The following PDE10A variants were observed in gnomAD, a reference collection of about 807,000 sequenced individuals.
PDE10A encodes the protein cAMP and cAMP-inhibited cGMP 3',5'-cyclic phosphodiesterase 10A.
In PDE10A, 39 loss-of-function variants were observed where a neutral mutation model predicts 97.7. The observed-to-expected ratio is 0.40, with a 90% CI of 0.31 to 0.52. The LOEUF is 0.52. Among genes scored for constraint, PDE10A ranks in the 20% least tolerant of loss-of-function variants. The pLI is 0.56. For missense variants in PDE10A, 731 were observed against 1,047.8 expected, an observed-to-expected ratio of 0.70 and a Z score of 4.17; for synonymous variants, 371 against 376.8, an observed-to-expected ratio of 0.98 and a Z score of 0.18.
intron 1 of PDE10A, among the ~76,000 whole-genome samples, chr6:165,771,190 C>T (rs1777998893): frequency 6.6e-6 from 1 of 152,182 alleles, no homozygotes; most frequent in Non-Finnish European, 1.5e-5. Context: ...ATGCAGAGAG[C>T]CTACCGTGGG....
At chr6:165,974,023 T>C (rs1304975197) in intron 1 of PDE10A, among the ~76,000 whole-genome samples, 1 of 152,246 alleles carries the variant, frequency 6.6e-6, no homozygotes, top group African/African-American at 2.4e-5. Context: ...CATTAAATTA[T>C]TAAATTCACG....
Position 165,505,829 on chromosome 6 carries a change from T to C in PDE10A, c.995-23486A>G, listed in dbSNP as rs1375622684. Among the ~76,000 whole-genome samples, 5 of 152,126 alleles carry C rather than the reference T, an allele frequency of 3.3e-5. 1 individual carries two copies. Among genetic ancestry groups the C allele is most frequent in the South Asian group, 4.1e-4 (2 of 4,826 alleles). On this transcript the variant is annotated intron_variant, in intron 2 of 21. Transcript: ENST00000539869. The stretch of plus-strand genomic sequence containing the variant: ...GATTTCACCATGATCAGGCTACAGA[T>C]TGGTTGCATTCAAAAGCTGGTCAGT...
chr6:165,952,246 G>T (rs1238272421), intron 1 of PDE10A, among the ~76,000 whole-genome samples: 1 of 152,196 alleles, frequency 6.6e-6, no homozygotes, highest in Non-Finnish European at 1.5e-5. Flanking sequence ...CCAGGGATTT[G>T]ATTCCTTCAC....
At chr6:165,526,405 C>A (rs922105497) in intron 2 of PDE10A, among the ~76,000 whole-genome samples, 1 of 152,174 alleles carries the variant, frequency 6.6e-6, no homozygotes, top group African/African-American at 2.4e-5. Flanking sequence ...TGGCAGAACC[C>A]CCACATTGGC....
chr6:165,598,286 TAGAG>T (rs67830948), intron 1 of PDE10A, among the ~76,000 whole-genome samples: 29,234 of 151,910 alleles, frequency 0.19, 3,342 homozygotes, highest in African/African-American at 0.32. Flanking sequence ...TAACAGATCT[TAGAG>T]AGAGAGAGCA....
At chr6:165,745,973 A>G (rs1231857155) in intron 1 of PDE10A, among the ~76,000 whole-genome samples, 1 of 152,210 alleles carries the variant, frequency 6.6e-6, no homozygotes, top group Non-Finnish European at 1.5e-5. Flanking sequence ...TGGCAGCTAC[A>G]AGGACGTTTG....
chr6:165,620,957 G>T lies in PDE10A; in HGVS notation c.865+40990C>A, dbSNP rs867655276. On this transcript the variant is annotated intron_variant, in intron 1 of 21. Coordinates refer to ENST00000539869, the MANE Select transcript of PDE10A (RefSeq NM_001385079.1). ...AATCGATTGAACCTGGGAGGCAGAG[G>T]TTGCGGTGAGCCGAGATCCTGCCAC... 2.0e-5 allele frequency among the ~76,000 whole-genome samples: 3 copies of T among 151,030 alleles called. 1 individual carries two copies. The highest frequency in any genetic ancestry group is 6.8e-3 in the Middle Eastern group (2 of 294).
chr6:165,481,866 T>A (rs1249898415), intron 3 of PDE10A, among the ~76,000 whole-genome samples: 1 of 152,150 alleles, frequency 6.6e-6, no homozygotes, highest in African/African-American at 2.4e-5. Context: ...AAGGCAGAGG[T>A]TGGGCAGGTA....
intron 1 of PDE10A, among the ~76,000 whole-genome samples, chr6:165,577,767 C>T (rs1396631360): frequency 6.6e-6 from 1 of 152,206 alleles, no homozygotes; most frequent in Non-Finnish European, 1.5e-5. Flanking sequence ...TGGGCACAGG[C>T]ACTTCTGATG....
intron 1 of PDE10A, among the ~76,000 whole-genome samples, chr6:165,681,967 A>C (rs1046162162): frequency 1.6e-4 from 24 of 152,218 alleles, no homozygotes; most frequent in Non-Finnish European, 3.4e-4. Context: ...GCCTCACAGA[A>C]CAGTGGGTGA....
intron 2 of PDE10A, among the ~76,000 whole-genome samples, chr6:165,500,722 T>A (rs1780819461): frequency 1.3e-5 from 2 of 150,460 alleles, no homozygotes; most frequent in Admixed American, 1.3e-4. Context: ...TCTTTGCAGT[T>A]GAGATAAGAG....
intron 1 of PDE10A, among the ~76,000 whole-genome samples, chr6:165,796,096 T>TC (rs1778822227): frequency 1.8e-5 from 2 of 110,498 alleles, no homozygotes; most frequent in African/African-American, 6.7e-5. Context: ...CTTTTCTTTT[T>TC]TTTTTTTTTT....
intron 1 of PDE10A, among the ~76,000 whole-genome samples, chr6:165,690,233 G>A (rs756339368): frequency 3.3e-5 from 5 of 152,098 alleles, no homozygotes; most frequent in Admixed American, 6.5e-5. Context: ...TCAACTCTGC[G>A]GGGACTGTTA....
chr6:165,965,233 G>A (rs1380014107), intron 1 of PDE10A, among the ~76,000 whole-genome samples: 1 of 152,190 alleles, frequency 6.6e-6, no homozygotes, highest in Non-Finnish European at 1.5e-5. Context: ...CGAGGAGAGG[G>A]ATGGCGAGGA....
At chr6:165,659,642 T>G (rs539265928) in intron 1 of PDE10A, among the ~76,000 whole-genome samples, 3 of 152,270 alleles carry the variant, frequency 2.0e-5, no homozygotes, top group African/African-American at 2.4e-5. Flanking sequence ...CTTTTGCTCC[T>G]GTTCAAGGCC....
intron 1 of PDE10A, among the ~76,000 whole-genome samples, chr6:165,630,417 A>G (rs1788576896): frequency 6.6e-6 from 1 of 152,220 alleles, no homozygotes; most frequent in African/African-American, 2.4e-5. Context: ...TGAAAGCTTC[A>G]TAACTTCAAT....
intron 5 of PDE10A, among the ~76,000 whole-genome samples, chr6:165,436,707 T>G (rs2128240877): frequency 6.6e-6 from 1 of 152,196 alleles, no homozygotes; most frequent in South Asian, 2.1e-4. Flanking sequence ...GATTAAAAAA[T>G]TACATATATG....
In PDE10A at chr6:165,435,360, CG is replaced by C; in HGVS notation, c.1211del (p.Thr404SerfsTer5). ...GECNNSLCIF[T>X]PPGIKEGKPR... ...GTTTTCCTTCCTTTATCCCAGGTGG[CG>C]TGAATATACACAGGCTCTAGGGAGA... On this transcript the variant is annotated frameshift_variant, in exon 6 of 22. Transcript: ENST00000539869. LOFTEE classifies it high-confidence loss of function. 1 of 1,613,796 alleles carries C rather than the reference CG, an allele frequency of 6.2e-7. No homozygotes were observed. Among genetic ancestry groups the C allele is most frequent in the East Asian group, 2.2e-5 (1 of 44,862 alleles).
chr6:165,717,007 C>G (rs1002583436), intron 1 of PDE10A, among the ~76,000 whole-genome samples: 4 of 152,188 alleles, frequency 2.6e-5, no homozygotes, highest in African/African-American at 9.6e-5. Context: ...TTCCTCTCCC[C>G]TCATTTTCTG....
Sources: allele counts gnomAD v4.1 joint callset (sites outside exome capture counted in the v4.1 genomes callset), GRCh38; gene constraint gnomAD v4.1.1; transcripts MANE v1.5; gene names NCBI Gene and HGNC (gene_info 2026-07-23, HGNC 2026-07-21).